The following KIF6 variants were observed in gnomAD, a reference collection of about 807,000 sequenced individuals.
KIF6 encodes kinesin-like protein KIF6.
A neutral mutation model predicts 112.7 loss-of-function variants in KIF6; 106 were observed. The observed-to-expected ratio is 0.94, with a 90% CI of 0.80 to 1.11. The LOEUF (loss-of-function observed/expected upper bound fraction) is 1.11, where lower values mean the gene tolerates loss of function less well. Ranked by LOEUF, KIF6 falls within the 50% of genes least tolerant of loss-of-function variation. KIF6 has a pLI of 0.00. For synonymous variants in KIF6, 339 were observed against 339.9 expected (o/e 1.00, Z 0.03); for missense variants, 929 against 964.0 (o/e 0.96, Z 0.48).
At chr6:39,422,421 C>T (rs1770440560) in intron 14 of KIF6, among the ~76,000 whole-genome samples, 1 of 152,194 alleles carries the variant, frequency 6.6e-6, no homozygotes, top group African/African-American at 2.4e-5. Context: ...TTCTCTGTTG[C>T]AGCCCAGTCC....
intron 13 of KIF6, among the ~76,000 whole-genome samples, chr6:39,493,115 T>A (rs1364034250): frequency 1.3e-5 from 2 of 152,230 alleles, no homozygotes; most frequent in Admixed American, 6.5e-5. Context: ...TTCCTCCTTC[T>A]ACAGAACCTA....
intron 7 of KIF6, among the ~76,000 whole-genome samples, chr6:39,589,116 CT>C (rs1314831521): frequency 6.6e-6 from 1 of 152,154 alleles, no homozygotes; most frequent in Non-Finnish European, 1.5e-5. Context: ...TTGATTCAGC[CT>C]GTCGAGCTTA....
intron 4 of KIF6, among the ~76,000 whole-genome samples, chr6:39,638,421 G>C (rs1206239874): frequency 6.6e-6 from 1 of 152,082 alleles, no homozygotes; most frequent in Non-Finnish European, 1.5e-5. Flanking sequence ...TATATTCCCA[G>C]GTTGTGAAAT....
At position 39,596,180 on chromosome 6, in the gene KIF6, A is replaced by T. The variant is rs771602890; in HGVS notation, c.720T>A (p.Thr240=). The T allele has an allele frequency of 6.2e-7, 1 of 1,613,988 alleles. No homozygotes were observed. The highest frequency in any genetic ancestry group is 8.5e-7 in the Non-Finnish European group (1 of 1,179,982). ...CCAGATGGAGTTTGGCATGTCGTAC[A>T]GTTGCAGATCCTGGTTCCTTGCTTG... is the stretch of plus-strand genomic sequence containing the variant. ...HLSSKEPGSA[T]VRHAKLHLVD... Residue 240 remains threonine (T), a synonymous_variant, in exon 7 of 23, where the codon ACT becomes ACA. Transcript: ENST00000287152.
At chr6:39,682,708 T>C (rs543964775) in intron 3 of KIF6, among the ~76,000 whole-genome samples, 133 of 152,218 alleles carry the variant, frequency 8.7e-4, no homozygotes, top group African/African-American at 3.1e-3. Context: ...GCCTCCTGAG[T>C]AGCTGAGATT....
chr6:39,480,565 G>T (rs189308415), intron 13 of KIF6, among the ~76,000 whole-genome samples: 4 of 152,056 alleles, frequency 2.6e-5, no homozygotes, highest in Non-Finnish European at 4.4e-5. Context: ...GGTGATGCTG[G>T]CTTCACAGAA....
intron 13 of KIF6, among the ~76,000 whole-genome samples, chr6:39,525,566 C>A (rs1310252826): frequency 6.6e-6 from 1 of 152,008 alleles, no homozygotes; most frequent in Non-Finnish European, 1.5e-5. Context: ...ACCAGCCTGG[C>A]CAACATGGCA....
intron 3 of KIF6, among the ~76,000 whole-genome samples, chr6:39,713,237 A>T (rs1377682281): frequency 1.3e-5 from 2 of 152,234 alleles, no homozygotes; most frequent in Non-Finnish European, 2.9e-5. Flanking sequence ...ACAAGTGAAC[A>T]AAGTATTTGG....
chr6:39,684,957 G>T (rs1327918465), intron 3 of KIF6, among the ~76,000 whole-genome samples: 1 of 152,110 alleles, frequency 6.6e-6, no homozygotes, highest in African/African-American at 2.4e-5. Context: ...ACAAGCAAAA[G>T]CAGTCTCAGC....
intron 15 of KIF6, among the ~76,000 whole-genome samples, chr6:39,397,729 G>C (rs1275446318): frequency 6.6e-6 from 1 of 152,058 alleles, no homozygotes; most frequent in East Asian, 1.9e-4. Context: ...GTGAAGCTTT[G>C]GGAGATGAGG....
At chr6:39,539,690 A>G (rs993412885) in intron 13 of KIF6, among the ~76,000 whole-genome samples, 8 of 152,140 alleles carry the variant, frequency 5.3e-5, no homozygotes, top group Non-Finnish European at 1.2e-4. Flanking sequence ...ATTTGGATTT[A>G]TAAATAAACG....
intron 13 of KIF6, among the ~76,000 whole-genome samples, chr6:39,499,426 T>A (rs1775980395): frequency 6.6e-6 from 1 of 152,020 alleles, no homozygotes; most frequent in Non-Finnish European, 1.5e-5. Context: ...GCAAAATAGT[T>A]AGCCCAAGCC....
chr6:39,490,314 C>T (rs1314145098), intron 13 of KIF6, among the ~76,000 whole-genome samples: 1 of 152,142 alleles, frequency 6.6e-6, no homozygotes, highest in Admixed American at 6.6e-5. Flanking sequence ...ATTGTGAAAT[C>T]GTCAAGTAAG....
chr6:39,715,985 G>A (rs1286589277), intron 2 of KIF6, among the ~76,000 whole-genome samples: 1 of 152,094 alleles, frequency 6.6e-6, no homozygotes, highest in Non-Finnish European at 1.5e-5. Flanking sequence ...CTCAGCTTTT[G>A]AGGAGAATGA....
chr6:39,445,377 C>A (rs1440228547), intron 13 of KIF6, among the ~76,000 whole-genome samples: 2 of 152,216 alleles, frequency 1.3e-5, no homozygotes, highest in African/African-American at 4.8e-5. Flanking sequence ...AGCTTCTTCT[C>A]TGGAAAGCAT....
At chr6:39,679,389 A>G (rs1007625687) in intron 3 of KIF6, among the ~76,000 whole-genome samples, 21 of 152,136 alleles carry the variant, frequency 1.4e-4, no homozygotes, top group African/African-American at 5.1e-4. Context: ...ATACCTAGAA[A>G]TGGAACGGTG....
chr6:39,529,731 G>A (rs1429222414), intron 13 of KIF6, among the ~76,000 whole-genome samples: 4 of 152,090 alleles, frequency 2.6e-5, no homozygotes, highest in African/African-American at 9.7e-5. Flanking sequence ...AGCTTGCAGT[G>A]AGCCAAGATC....
intron 8 of KIF6, among the ~76,000 whole-genome samples, chr6:39,585,908 G>A (rs1781599171): frequency 6.6e-6 from 1 of 152,132 alleles, no homozygotes; most frequent in Admixed American, 6.5e-5. Context: ...CAAGGTATCC[G>A]GATCTTAGTC....
intron 3 of KIF6, among the ~76,000 whole-genome samples, chr6:39,681,700 C>T (rs559639962): frequency 6.6e-6 from 1 of 152,264 alleles, no homozygotes; most frequent in East Asian, 1.9e-4. Context: ...GAACTCTTCC[C>T]TTCCCAATTC....
Sources: gnomAD v4.1 joint callset for allele counts (sites outside exome capture counted in the v4.1 genomes callset) on GRCh38, gnomAD v4.1.1 for gene constraint, MANE v1.5 for transcripts, NCBI Gene and HGNC (gene_info 2026-07-23, HGNC 2026-07-21) for gene names.